Variants in TAFA4 observed in about 807,000 individuals in gnomAD.
TAFA4 encodes chemokine-like protein TAFA-4.
In TAFA4, 20 loss-of-function variants were observed where a neutral mutation model predicts 21.1. The ratio of observed to expected loss-of-function variants is 0.95; its 90% CI spans 0.67 to 1.38. The LOEUF (loss-of-function observed/expected upper bound fraction) is 1.38, where lower values mean the gene tolerates loss of function less well. Ranked by LOEUF, TAFA4 falls within the 40% of genes most tolerant of loss-of-function variation. The probability of loss-of-function intolerance (pLI) is 0.00; values close to 1 mark genes in which losing one functional copy is unlikely to be tolerated. For missense variants in TAFA4, 211 were observed against 180.9 expected, an observed-to-expected ratio of 1.17 and a Z score of -0.95; for synonymous variants, 71 against 67.4, an observed-to-expected ratio of 1.05 and a Z score of -0.26.
intron 3 of TAFA4, among the ~76,000 whole-genome samples, chr3:68,758,072 G>A (rs1702690088): frequency 6.6e-6 from 1 of 152,140 alleles, no homozygotes; most frequent in Non-Finnish European, 1.5e-5. Context: ...GAGAAGAGGT[G>A]AGATTCAAAC....
chr3:68,758,547 C>T (rs556739788), intron 3 of TAFA4, among the ~76,000 whole-genome samples: 35 of 152,304 alleles, frequency 2.3e-4, no homozygotes, highest in Non-Finnish European at 4.3e-4. Flanking sequence ...TGAGGCCTCC[C>T]CAGCCTTGTG....
rs961190823 is a variant in TAFA4 at position 68,790,888 on chromosome 3, C to T, written c.131-37870G>A. 1.6e-4 allele frequency among the ~76,000 whole-genome samples: 24 copies of T among 152,284 alleles called. 1 individual carries two copies. In the East Asian group the frequency reaches 4.4e-3, roughly 28 times the overall value. On this transcript the variant is annotated intron_variant, in intron 3 of 5. Coordinates refer to ENST00000295569, the MANE Select transcript of TAFA4 (RefSeq NM_182522.5). ...CCCACTTCCTCAACATACTTATTTC[C>T]TTTCAAAGTATTTATGGCAACCCCC...
chr3:68,903,322 A>G (rs189626396), intron 1 of TAFA4, among the ~76,000 whole-genome samples: 131 of 152,330 alleles, frequency 8.6e-4, no homozygotes, highest in African/African-American at 3.1e-3. Flanking sequence ...TGACATCTTA[A>G]TATTTATGAG....
intron 3 of TAFA4, among the ~76,000 whole-genome samples, chr3:68,801,535 A>G (rs986189104): frequency 7.2e-5 from 11 of 152,316 alleles, no homozygotes; most frequent in African/African-American, 2.6e-4. Context: ...TTTTCTTACT[A>G]CAAATATCTG....
At chr3:68,775,852 T>C (rs1703039288) in intron 3 of TAFA4, among the ~76,000 whole-genome samples, 1 of 152,062 alleles carries the variant, frequency 6.6e-6, no homozygotes, top group South Asian at 2.1e-4. Context: ...ATAAATAATA[T>C]TTACTTCAGT....
At chr3:68,856,566 G>T (rs1448412531) in intron 3 of TAFA4, among the ~76,000 whole-genome samples, 1 of 152,004 alleles carries the variant, frequency 6.6e-6, no homozygotes, top group Non-Finnish European at 1.5e-5. Context: ...GGCTCCATAG[G>T]TACAACAACC....
chr3:68,739,063 G>T lies in TAFA4; in HGVS notation c.411+12C>A. The T allele has an allele frequency of 6.2e-7, 1 of 1,612,152 alleles. No individual in the cohort carries two copies. The highest frequency in any genetic ancestry group is 8.5e-7 in the Non-Finnish European group (1 of 1,179,354). Reference sequence around the variant, plus strand: ...AACTTGTAAATTGTAGTTGCATTTTGTCTATACTTGCCTTCGTAGTTTTGA... The same window carrying T: ...AACTTGTAAATTGTAGTTGCATTTTTTCTATACTTGCCTTCGTAGTTTTGA... On this transcript the variant is annotated intron_variant, in intron 5 of 5. Coordinates refer to ENST00000295569, the MANE Select transcript of TAFA4 (RefSeq NM_182522.5).
At chr3:68,742,757 T>G (rs1166368435) in intron 4 of TAFA4, among the ~76,000 whole-genome samples, 1 of 152,130 alleles carries the variant, frequency 6.6e-6, no homozygotes, top group Admixed American at 6.5e-5. Context: ...TTGTACTTCA[T>G]CGAAATGAAA....
At chr3:68,850,950 C>T (rs1181901107) in intron 3 of TAFA4, among the ~76,000 whole-genome samples, 1 of 152,138 alleles carries the variant, frequency 6.6e-6, no homozygotes, top group Admixed American at 6.6e-5. Context: ...GTCATGAAAT[C>T]TTTGCCCATG....
chr3:68,884,647 C>T (rs2089652904), intron 2 of TAFA4, among the ~76,000 whole-genome samples: 1 of 152,202 alleles, frequency 6.6e-6, no homozygotes, highest in Admixed American at 6.5e-5. Context: ...CCCAAGCTCA[C>T]AGAGCAGTGA....
chr3:68,850,865 G>A (rs1704928727), intron 3 of TAFA4, among the ~76,000 whole-genome samples: 1 of 151,762 alleles, frequency 6.6e-6, no homozygotes, highest in Admixed American at 6.6e-5. Context: ...TTCTTTTTCT[G>A]TGCAGGAGCT....
intron 3 of TAFA4, among the ~76,000 whole-genome samples, chr3:68,765,057 TA>T (rs537684709): frequency 6.6e-6 from 1 of 150,788 alleles, no homozygotes; most frequent in Non-Finnish European, 1.5e-5. Flanking sequence ...AAAGAACTGT[TA>T]AAAAAAACTA....
rs190494993 is a variant in TAFA4, at chr3:68,774,020, C to T, written c.131-21002G>A. On this transcript the variant is annotated intron_variant, in intron 3 of 5. Coordinates refer to ENST00000295569, the MANE Select transcript of TAFA4 (RefSeq NM_182522.5). ...GAGCGAGAGACCAAACAGAAATGGA[C>T]CTTCCTTCTTCATCCAGGAGATGAA... Among the ~76,000 whole-genome samples, 587 of 152,246 alleles carry T rather than the reference C, an allele frequency of 3.9e-3. 15 individuals are homozygous for T. The highest frequency in any genetic ancestry group is 7.1e-4 in the Non-Finnish European group (48 of 68,012).
intron 1 of TAFA4, among the ~76,000 whole-genome samples, chr3:68,907,961 A>C (rs1216270409): frequency 6.6e-6 from 1 of 152,218 alleles, no homozygotes; most frequent in African/African-American, 2.4e-5. Flanking sequence ...TGGAATCAGC[A>C]TGGATTCGCT....
At chr3:68,741,646 C>A (rs1702354698) in intron 4 of TAFA4, among the ~76,000 whole-genome samples, 1 of 151,874 alleles carries the variant, frequency 6.6e-6, no homozygotes, top group South Asian at 2.1e-4. Context: ...TAAAAAAAAG[C>A]CAGGCGTGGT....
intron 3 of TAFA4, among the ~76,000 whole-genome samples, chr3:68,854,589 C>A (rs758214421): frequency 1.3e-5 from 2 of 151,920 alleles, no homozygotes; most frequent in Non-Finnish European, 2.9e-5. Flanking sequence ...GAATAAAGAA[C>A]AAATATATGG....
intron 3 of TAFA4, among the ~76,000 whole-genome samples, chr3:68,798,320 A>G (rs183949758): frequency 3.3e-5 from 5 of 152,320 alleles, no homozygotes; most frequent in Admixed American, 1.3e-4. Context: ...ATCTAAAAAT[A>G]TAAGTGTCTT....
At chr3:68,765,512 A>C (rs765327735) in intron 3 of TAFA4, among the ~76,000 whole-genome samples, 8 of 152,182 alleles carry the variant, frequency 5.3e-5, no homozygotes, top group Non-Finnish European at 1.0e-4. Context: ...TTAAGTATCT[A>C]AGTCCAGAAT....
chr3:68,894,772 C>T (rs537652086), intron 1 of TAFA4, among the ~76,000 whole-genome samples: 3 of 152,292 alleles, frequency 2.0e-5, no homozygotes, highest in South Asian at 4.1e-4. Context: ...GGAAAACTTC[C>T]TGGAAGAGGC....
Sources: gnomAD v4.1 joint callset for allele counts (sites outside exome capture counted in the v4.1 genomes callset) on GRCh38, gnomAD v4.1.1 for gene constraint, MANE v1.5 for transcripts, NCBI Gene and HGNC (gene_info 2026-07-23, HGNC 2026-07-21) for gene names.